Variants in JPH3 observed in about 807,000 individuals in gnomAD.
JPH3 encodes the protein junctophilin 3.
JPH3 carries 11 observed loss-of-function variants against 59.6 expected under a neutral mutation model. The ratio of observed to expected loss-of-function variants is 0.18; its 90% CI spans 0.12 to 0.31. The LOEUF (loss-of-function observed/expected upper bound fraction) is 0.31, where lower values mean the gene tolerates loss of function less well. JPH3 is among the 10% of genes least tolerant of loss of function. The pLI, the probability that JPH3 is intolerant of heterozygous loss-of-function variation, is 1.00. For synonymous variants in JPH3, 673 were observed against 483.6 expected (o/e 1.39, Z -5.14); for missense variants, 1,202 against 1,105.7 (o/e 1.09, Z -1.24).
Position 87,690,125 on chromosome 16 carries a change from C to T in JPH3, c.1765C>T (p.Arg589Trp), listed in dbSNP as rs781426384. ...CGTGTTCACGTGGACTTCCCACCACCGGGCCAGCAACCACAGCCCCGGAGG... is the reference window on the plus strand; with the variant it reads ...CGTGTTCACGTGGACTTCCCACCACTGGGCCAGCAACCACAGCCCCGGAGG... Reference protein sequence around the residue: ...PPVFTWTSHHRASNHSPGGSR... With the variant: ...PPVFTWTSHHWASNHSPGGSR... Residue 589 changes from arginine to tryptophan, a missense_variant, in exon 4 of 5, where the codon CGG becomes TGG. Physicochemically the swap from Arg to Trp is moderately radical, Grantham distance 101. Coordinates refer to ENST00000284262, the MANE Select transcript of JPH3 (RefSeq NM_020655.4). The T allele has an allele frequency of 7.6e-6, 12 of 1,587,988 alleles. No homozygotes were observed. Among genetic ancestry groups the T allele is most frequent in the African/African-American group, 4.1e-5 (3 of 74,046 alleles).
intron 1 of JPH3, among the ~76,000 whole-genome samples, chr16:87,643,712 C>G (rs774532252): frequency 1.4e-4 from 21 of 152,296 alleles, no homozygotes; most frequent in Admixed American, 4.6e-4. Flanking sequence ...TCTCCCTCCC[C>G]GATTTCCAAG....
intron 1 of JPH3, among the ~76,000 whole-genome samples, chr16:87,633,125 A>G (rs1277867563): frequency 1.3e-5 from 2 of 152,222 alleles, no homozygotes; most frequent in African/African-American, 4.8e-5. Context: ...TACCACAGAC[A>G]GCATGGCTTA....
intron 1 of JPH3, among the ~76,000 whole-genome samples, chr16:87,637,392 GA>G (rs10686569): frequency 0.28 from 36,497 of 131,640 alleles, 4,544 homozygotes; most frequent in Non-Finnish European, 0.31. Flanking sequence ...TGTTATGGGG[GA>G]GAGAGAGAGA....
At chr16:87,668,549 T>C (rs182207708) in intron 2 of JPH3, among the ~76,000 whole-genome samples, 181 of 152,282 alleles carry the variant, frequency 1.2e-3, no homozygotes, top group African/African-American at 4.1e-3. Flanking sequence ...CAGTTTCCTC[T>C]TCTATAAATG....
chr16:87,608,129 C>T (rs1045911265), intron 1 of JPH3, among the ~76,000 whole-genome samples: 4 of 152,200 alleles, frequency 2.6e-5, no homozygotes, highest in African/African-American at 9.6e-5. Context: ...AGTGAGTGAG[C>T]AGCCCCAGCT....
chr16:87,654,797 C>T (rs2032438830), intron 2 of JPH3: 1 of 152,324 alleles, frequency 6.6e-6, no homozygotes, highest in South Asian at 2.1e-4. Context: ...GCCTGCCTAC[C>T]ACGTGGAGAT....
intron 1 of JPH3, among the ~76,000 whole-genome samples, chr16:87,613,620 C>G (rs868192812): frequency 1.8e-4 from 27 of 152,240 alleles, no homozygotes; most frequent in African/African-American, 6.5e-4. Flanking sequence ...CTAGCCCAGC[C>G]TATTGTGTTG....
intron 1 of JPH3, among the ~76,000 whole-genome samples, chr16:87,630,931 G>A (rs2031546437): frequency 6.6e-6 from 1 of 152,116 alleles, no homozygotes; most frequent in Admixed American, 6.5e-5. Flanking sequence ...TTATGACTAT[G>A]TAAGTATTGC....
At chr16:87,608,486 C>T (rs775056080) in intron 1 of JPH3, among the ~76,000 whole-genome samples, 6 of 152,136 alleles carry the variant, frequency 3.9e-5, no homozygotes, top group Non-Finnish European at 7.3e-5. Context: ...AGAGGCCATG[C>T]GGTGGATGGA....
chr16:87,623,279 G>A (rs1195998451), intron 1 of JPH3, among the ~76,000 whole-genome samples: 1 of 152,192 alleles, frequency 6.6e-6, no homozygotes, highest in Non-Finnish European at 1.5e-5. Flanking sequence ...ATCCATAGAG[G>A]GCTGCAGGGG....
chr16:87,636,307 C>T (rs1275304112), intron 1 of JPH3, among the ~76,000 whole-genome samples: 1 of 152,220 alleles, frequency 6.6e-6, no homozygotes, highest in Admixed American at 6.5e-5. Flanking sequence ...GGTTGGCCGC[C>T]AAGCACTAGG....
chr16:87,613,346 G>A (rs899853513), intron 1 of JPH3, among the ~76,000 whole-genome samples: 2 of 151,130 alleles, frequency 1.3e-5, no homozygotes, highest in East Asian at 2.0e-4. Context: ...TGAACCGCCC[G>A]CCTCGGCCTC....
At chr16:87,667,201 C>T (rs7203010) in intron 2 of JPH3, among the ~76,000 whole-genome samples, 70,958 of 152,044 alleles carry the variant, frequency 0.47, 16,878 homozygotes, top group African/African-American at 0.55. Context: ...CCCTCTGCCC[C>T]GTCCTGAGCA....
upstream of JPH3, chr16:87,601,844 G>A (rs1324670918): frequency 6.6e-6 from 1 of 152,206 alleles, no homozygotes; most frequent in African/African-American, 2.4e-5. Flanking sequence ...CGGAATTCGG[G>A]TGACTTTGCT....
rs528691770 is a variant in JPH3, at chr16:87,623,860, C to A, written c.382+20332C>A. On this transcript the variant is annotated intron_variant, in intron 1 of 4. Coordinates refer to ENST00000284262, the MANE Select transcript of JPH3 (RefSeq NM_020655.4). ...ACCACATGCCCAGCTGTGGGGTCCC[C>A]CGAGGCCGCAGAGCAAGCTTTCTGG... Among the ~76,000 whole-genome samples the A allele has an allele frequency of 7.9e-5, 12 of 152,374 alleles. No individual in the cohort carries two copies. In the South Asian group the frequency reaches 2.5e-3, roughly 32 times the overall value.
intron 2 of JPH3, among the ~76,000 whole-genome samples, chr16:87,648,525 C>T (rs775954374): frequency 5.3e-5 from 8 of 152,190 alleles, no homozygotes; most frequent in Non-Finnish European, 1.0e-4. Flanking sequence ...GCGGTGTCCT[C>T]CGCGGAGTGC....
chr16:87,649,341 G>T (rs562054993), intron 2 of JPH3, among the ~76,000 whole-genome samples: 1 of 152,320 alleles, frequency 6.6e-6, no homozygotes, highest in Non-Finnish European at 1.5e-5. Context: ...ACGTTTTCAT[G>T]ACTCATCTCC....
chr16:87,655,927 G>A (rs946431493), intron 2 of JPH3, among the ~76,000 whole-genome samples: 5 of 152,226 alleles, frequency 3.3e-5, no homozygotes, highest in Admixed American at 6.5e-5. Flanking sequence ...TCACTGCGCC[G>A]TTCCCTTTGC....
chr16:87,659,032 C>T (rs1275225381), intron 2 of JPH3, among the ~76,000 whole-genome samples: 2 of 152,192 alleles, frequency 1.3e-5, no homozygotes, highest in Admixed American at 6.5e-5. Flanking sequence ...GCTGCGGCGG[C>T]CACAGCGAAA....
Sources: allele counts gnomAD v4.1 joint callset (sites outside exome capture counted in the v4.1 genomes callset), GRCh38; gene constraint gnomAD v4.1.1; transcripts MANE v1.5; gene names NCBI Gene and HGNC (gene_info 2026-07-23, HGNC 2026-07-21).